The following FGF14 variants were observed in gnomAD, a reference collection of about 807,000 sequenced individuals.
FGF14 encodes the protein fibroblast growth factor 14.
In FGF14, 5 loss-of-function variants were observed where a neutral mutation model predicts 25.5. The observed-to-expected ratio is 0.20, with a 90% CI of 0.10 to 0.41. The LOEUF (loss-of-function observed/expected upper bound fraction) is 0.41, where lower values mean the gene tolerates loss of function less well. Ranked by LOEUF, FGF14 falls within the 10% of genes least tolerant of loss-of-function variation. The probability of loss-of-function intolerance (pLI) is 1.00; values close to 1 mark genes in which losing one functional copy is unlikely to be tolerated. For synonymous variants in FGF14, 138 were observed against 118.3 expected, an observed-to-expected ratio of 1.17 and a Z score of -1.08; for missense variants, 222 against 320.1, an observed-to-expected ratio of 0.69 and a Z score of 2.34.
At chr13:101,725,601 T>C (rs1435207859) in intron 4 of FGF14, among the ~76,000 whole-genome samples, 2 of 152,024 alleles carry the variant, frequency 1.3e-5, no homozygotes, top group Non-Finnish European at 2.9e-5. Flanking sequence ...TAAATTATTT[T>C]ATTTCAATAT....
Position 101,879,068 on chromosome 13 carries a change from A to G in FGF14, c.194-3772T>C, listed in dbSNP as rs115887571. On this transcript the variant is annotated intron_variant, in intron 1 of 4. Coordinates refer to ENST00000376143, the MANE Select transcript of FGF14 (RefSeq NM_004115.4). ...ACCTATATTTTAGCTAGCCATGCAA[A>G]AATGCAAAATACTTTTTAACTCATA... 5.5e-3 allele frequency among the ~76,000 whole-genome samples: 841 copies of G among 152,286 alleles called. 4 individuals carry two copies. The highest frequency in any genetic ancestry group is 0.019 in the African/African-American group (798 of 41,572).
chr13:101,844,710 C>T (rs894002401), intron 3 of FGF14, among the ~76,000 whole-genome samples: 8 of 152,080 alleles, frequency 5.3e-5, no homozygotes, highest in East Asian at 3.9e-4. Context: ...TTTCCATTGA[C>T]GTTCAGGAAA....
chr13:102,254,472 A>G (rs1010251442), intron 1 of FGF14, among the ~76,000 whole-genome samples: 3 of 152,188 alleles, frequency 2.0e-5, no homozygotes, highest in African/African-American at 4.8e-5. Flanking sequence ...TTGTCACTCC[A>G]AATAACCCTG....
intron 1 of FGF14, among the ~76,000 whole-genome samples, chr13:102,279,820 C>G (rs960799440): frequency 2.6e-5 from 4 of 152,202 alleles, no homozygotes; most frequent in African/African-American, 9.6e-5. Flanking sequence ...TTTGGGAACT[C>G]TATTTGAAAT....
intron 1 of FGF14, among the ~76,000 whole-genome samples, chr13:102,003,750 C>T (rs896158123): frequency 4.6e-5 from 7 of 151,418 alleles, no homozygotes; most frequent in African/African-American, 1.7e-4. Context: ...AGAAGCAAGG[C>T]CTGCTCTTTC....
At chr13:101,810,380 TAATAG>T (rs1213782989) in intron 3 of FGF14, among the ~76,000 whole-genome samples, 1 of 152,350 alleles carries the variant, frequency 6.6e-6, no homozygotes, top group East Asian at 1.9e-4. Flanking sequence ...AAATTAAAAA[TAATAG>T]AATAGTCATA....
intron 1 of FGF14, among the ~76,000 whole-genome samples, chr13:101,968,958 G>A (rs547760653): frequency 7.1e-4 from 108 of 151,178 alleles, no homozygotes; most frequent in Non-Finnish European, 1.3e-3. Context: ...TTATCACCAG[G>A]TCACTTTCCA....
intron 1 of FGF14, among the ~76,000 whole-genome samples, chr13:102,391,856 T>G (rs1595040894): frequency 6.6e-6 from 1 of 152,216 alleles, no homozygotes; most frequent in African/African-American, 2.4e-5. Context: ...GTCCTTTCTT[T>G]GCTTAAAAGT....
intron 1 of FGF14, among the ~76,000 whole-genome samples, chr13:102,120,454 G>A (rs964363695): frequency 2.0e-5 from 3 of 152,146 alleles, no homozygotes; most frequent in South Asian, 4.1e-4. Context: ...TTCAAAAGCT[G>A]GGACCCAGGG....
At chr13:101,790,993 A>G (rs2040202600) in intron 3 of FGF14, among the ~76,000 whole-genome samples, 1 of 152,216 alleles carries the variant, frequency 6.6e-6, no homozygotes, top group African/African-American at 2.4e-5. Flanking sequence ...TTCTATCAAT[A>G]AGTCAGATGA....
chr13:102,144,055 G>A (rs1195950147), intron 1 of FGF14, among the ~76,000 whole-genome samples: 1 of 152,088 alleles, frequency 6.6e-6, no homozygotes, highest in Non-Finnish European at 1.5e-5. Context: ...TCTCTCTGTT[G>A]CCCCGGCTGG....
intron 1 of FGF14, among the ~76,000 whole-genome samples, chr13:101,882,353 A>G (rs1033067002): frequency 6.6e-6 from 1 of 152,062 alleles, no homozygotes; most frequent in Non-Finnish European, 1.5e-5. Flanking sequence ...AGAACCAAAG[A>G]CATCTGTCGA....
intron 1 of FGF14, among the ~76,000 whole-genome samples, chr13:102,390,555 G>T (rs2058407978): frequency 6.6e-6 from 1 of 152,114 alleles, no homozygotes; most frequent in Admixed American, 6.6e-5. Context: ...CTTGGTTTTG[G>T]TTTTATACTC....
At chr13:102,252,913 A>T (rs4531597) in intron 1 of FGF14, among the ~76,000 whole-genome samples, 10 of 152,030 alleles carry the variant, frequency 6.6e-5, no homozygotes, top group South Asian at 2.1e-4. Flanking sequence ...AGTGAGAACA[A>T]GTGATGTTTG....
chr13:101,838,867 C>T (rs1227436260), intron 3 of FGF14, among the ~76,000 whole-genome samples: 1 of 152,020 alleles, frequency 6.6e-6, no homozygotes, highest in Non-Finnish European at 1.5e-5. Flanking sequence ...ATCAATGAGG[C>T]AGAAGCTTGT....
intron 1 of FGF14, among the ~76,000 whole-genome samples, chr13:102,102,796 C>A (rs2044721878): frequency 6.6e-6 from 1 of 152,078 alleles, no homozygotes; most frequent in Non-Finnish European, 1.5e-5. Flanking sequence ...AACTGATGGT[C>A]AAAGAGTAAC....
intron 1 of FGF14, among the ~76,000 whole-genome samples, chr13:102,217,544 T>C (rs2050428129): frequency 6.6e-6 from 1 of 152,214 alleles, no homozygotes; most frequent in Non-Finnish European, 1.5e-5. Context: ...GGCATTTCAA[T>C]GCTCAAGACA....
chr13:102,235,019 G>GA (rs1317126055), intron 1 of FGF14, among the ~76,000 whole-genome samples: 6 of 152,286 alleles, frequency 3.9e-5, no homozygotes, highest in African/African-American at 1.4e-4. Flanking sequence ...GTCATACTGA[G>GA]AGCTCCCACA....
intron 1 of FGF14, among the ~76,000 whole-genome samples, chr13:102,067,761 G>C (rs1483677639): frequency 2.0e-5 from 3 of 151,688 alleles, no homozygotes; most frequent in Non-Finnish European, 4.4e-5. Context: ...TAGTTACAGA[G>C]AACATCTCAA....
Sources: gnomAD v4.1 joint callset for allele counts (sites outside exome capture counted in the v4.1 genomes callset) on GRCh38, gnomAD v4.1.1 for gene constraint, MANE v1.5 for transcripts, NCBI Gene and HGNC (gene_info 2026-07-23, HGNC 2026-07-21) for gene names.